Variants in PLXNA4 observed in about 807,000 individuals in gnomAD.
PLXNA4 encodes plexin A4.
In PLXNA4, 44 loss-of-function variants were observed where a neutral mutation model predicts 191.8. The observed-to-expected ratio is 0.23, with a 90% confidence interval of 0.18 to 0.29. PLXNA4 has a LOEUF of 0.29. Ranked by LOEUF, PLXNA4 falls within the 10% of genes least tolerant of loss-of-function variation. The probability of loss-of-function intolerance (pLI) is 1.00; values close to 1 mark genes in which losing one functional copy is unlikely to be tolerated. For synonymous variants in PLXNA4, 1,082 were observed against 1,009.5 expected (o/e 1.07, Z -1.36); for missense variants, 1,800 against 2,488.8 (o/e 0.72, Z 5.89).
chr7:132,131,157 A>G (rs968307711), intron 31 of PLXNA4, among the ~76,000 whole-genome samples: 9 of 152,324 alleles, frequency 5.9e-5, no homozygotes, highest in Middle Eastern at 3.4e-3. Flanking sequence ...CACCTAATGG[A>G]TAATGTCTAC....
intron 4 of PLXNA4, among the ~76,000 whole-genome samples, chr7:132,259,481 G>GAAAAAAA (rs1799556261): frequency 6.5e-5 from 4 of 61,364 alleles, no homozygotes; most frequent in Non-Finnish European, 1.3e-4. Flanking sequence ...AAAGAAAAAA[G>GAAAAAAA]GAAAAAAGAA....
chr7:132,207,904 G>A (rs1797678488), intron 10 of PLXNA4, among the ~76,000 whole-genome samples: 1 of 152,220 alleles, frequency 6.6e-6, no homozygotes, highest in Non-Finnish European at 1.5e-5. Context: ...CCTTTGATTA[G>A]GGGATGTGTT....
chr7:132,138,296 C>T (rs1313309605), intron 30 of PLXNA4, among the ~76,000 whole-genome samples: 1 of 152,168 alleles, frequency 6.6e-6, no homozygotes, highest in African/African-American at 2.4e-5. Flanking sequence ...AGCAGGGGAG[C>T]AAATTCAGAA....
chr7:132,534,935 G>A (rs542423414), intron 1 of PLXNA4, among the ~76,000 whole-genome samples: 8 of 152,312 alleles, frequency 5.3e-5, no homozygotes, highest in African/African-American at 1.7e-4. Context: ...GGAAACTTAC[G>A]ATTTACTGTG....
intron 3 of PLXNA4, chr7:132,384,114 G>T: frequency 2.0e-6 from 2 of 985,428 alleles, no homozygotes; most frequent in Non-Finnish European, 2.4e-6. Flanking sequence ...ACAGATGAAG[G>T]TTCTCAAGAG....
chr7:132,542,781 T>C (rs924176090), intron 1 of PLXNA4, among the ~76,000 whole-genome samples: 3 of 152,214 alleles, frequency 2.0e-5, no homozygotes, highest in African/African-American at 7.2e-5. Flanking sequence ...AATACATCCA[T>C]TGAATTCTTA....
intron 3 of PLXNA4, among the ~76,000 whole-genome samples, chr7:132,305,489 C>T (rs1321593775): frequency 1.3e-5 from 2 of 152,106 alleles, no homozygotes. Context: ...AGCCCCTTTC[C>T]TCCAGCCCTG....
At chr7:132,566,876 C>A (rs115287669) in intron 1 of PLXNA4, among the ~76,000 whole-genome samples, 1 of 152,124 alleles carries the variant, frequency 6.6e-6, no homozygotes, top group Non-Finnish European at 1.5e-5. Flanking sequence ...AAGAGGCAGG[C>A]GGTGCCTCTG....
intron 3 of PLXNA4, among the ~76,000 whole-genome samples, chr7:132,388,909 C>T (rs1449665541): frequency 6.6e-6 from 1 of 152,202 alleles, no homozygotes; most frequent in Non-Finnish European, 1.5e-5. Context: ...ATGAGAGGAG[C>T]CTGAATCCCA....
chr7:132,370,319 G>T (rs939489192), intron 3 of PLXNA4, among the ~76,000 whole-genome samples: 7 of 152,282 alleles, frequency 4.6e-5, no homozygotes, highest in South Asian at 2.1e-4. Context: ...TGCAAGGGAA[G>T]TAGAGGCAGC....
At position 132,147,971 on chromosome 7, in the gene PLXNA4, A is replaced by G. The variant is rs200733456; in HGVS notation, c.4793T>C (p.Val1598Ala). 1 of 1,614,052 alleles carries G rather than the reference A, an allele frequency of 6.2e-7. No homozygotes were observed. Among genetic ancestry groups the G allele is most frequent in the African/African-American group, 1.3e-5 (1 of 74,994 alleles). Residue 1598 changes from valine to alanine, a missense_variant, in exon 27 of 32, where the codon GTG becomes GCG. Val to Ala is a moderately conservative substitution (Grantham distance 64). Transcript: ENST00000321063. The part of the protein sequence containing the change: ...QVPDGSVVAL[V>A]SKQVTAYNAV... ...GTTATAGGCTGTCACCTGCTTGGAC[A>G]CTAATGCCACCACGGAACCATCTGG...
At chr7:132,187,411 G>A (rs1368268634) in intron 15 of PLXNA4, 60 bp downstream of exon 15, 20 of 1,562,580 alleles carry the variant, frequency 1.3e-5, no homozygotes, top group Non-Finnish European at 1.7e-5. Context: ...CTACCCTGAA[G>A]TCATTTACCT....
intron 11 of PLXNA4, 78 bp downstream of exon 11, chr7:132,203,245 G>A (rs532063524): frequency 3.0e-5 from 41 of 1,353,094 alleles, no homozygotes; most frequent in East Asian, 4.6e-5. Flanking sequence ...TGACTCCCGC[G>A]AGAATGCAGG....
chr7:132,413,814 T>C (rs1294242394), intron 3 of PLXNA4, among the ~76,000 whole-genome samples: 2 of 152,170 alleles, frequency 1.3e-5, no homozygotes, highest in Non-Finnish European at 2.9e-5. Flanking sequence ...TTAGAGTATA[T>C]ACACCCATGA....
intron 4 of PLXNA4, among the ~76,000 whole-genome samples, chr7:132,282,945 C>T (rs1800540859): frequency 6.6e-6 from 1 of 152,064 alleles, no homozygotes; most frequent in African/African-American, 2.4e-5. Context: ...GGCACCATCA[C>T]AGCTCACTGC....
intron 3 of PLXNA4, among the ~76,000 whole-genome samples, chr7:132,325,676 T>C (rs1802329713): frequency 6.6e-6 from 1 of 152,142 alleles, no homozygotes; most frequent in Admixed American, 6.5e-5. Flanking sequence ...ACACAGAGCC[T>C]CAAGGAGTGT....
intron 12 of PLXNA4, among the ~76,000 whole-genome samples, chr7:132,200,529 A>G (rs934704224): frequency 1.3e-5 from 2 of 152,190 alleles, no homozygotes; most frequent in Admixed American, 6.5e-5. Flanking sequence ...CTACCATGCA[A>G]AAGACTGAAG....
intron 2 of PLXNA4, among the ~76,000 whole-genome samples, chr7:132,618,509 TA>T (rs1803197775): frequency 6.6e-6 from 1 of 152,234 alleles, no homozygotes; most frequent in Non-Finnish European, 1.5e-5. Flanking sequence ...AAGATAATTG[TA>T]ATTAACCTCT....
chr7:132,140,281 G>T (rs1584755078), intron 30 of PLXNA4, among the ~76,000 whole-genome samples: 1 of 152,222 alleles, frequency 6.6e-6, no homozygotes, highest in Non-Finnish European at 1.5e-5. Flanking sequence ...TATTTTTTGG[G>T]GGGTGGGTGG....
Sources: gnomAD v4.1 joint callset for allele counts (sites outside exome capture counted in the v4.1 genomes callset) on GRCh38, gnomAD v4.1.1 for gene constraint, MANE v1.5 for transcripts, NCBI Gene and HGNC (gene_info 2026-07-23, HGNC 2026-07-21) for gene names.